The following CUX1 variants were observed in gnomAD, a reference collection of about 807,000 sequenced individuals.
The protein encoded by CUX1 is protein CASP.
In CUX1, 31 loss-of-function variants were observed where a neutral mutation model predicts 158.8. The observed-to-expected ratio is 0.20, with a 90% CI of 0.15 to 0.26. The LOEUF (loss-of-function observed/expected upper bound fraction) is 0.26, where lower values mean the gene tolerates loss of function less well. CUX1 is among the 10% of genes least tolerant of loss of function. The probability of loss-of-function intolerance (pLI) is 1.00; values close to 1 mark genes in which losing one functional copy is unlikely to be tolerated. For synonymous variants in CUX1, 879 were observed against 862.1 expected (o/e 1.02, Z -0.34); for missense variants, 1,589 against 2,014.6 (o/e 0.79, Z 4.04).
At chr7:102,070,530 G>C in intron 4 of CUX1, 113 bp downstream of exon 4, 1 of 731,726 alleles carries the variant, frequency 1.4e-6, no homozygotes, top group Non-Finnish European at 2.3e-6. Flanking sequence ...ACCATCAGTG[G>C]CAACTTCCCC....
intron 2 of CUX1, among the ~76,000 whole-genome samples, chr7:101,937,414 A>G (rs1807073496): frequency 6.6e-6 from 1 of 152,210 alleles, no homozygotes; most frequent in Non-Finnish European, 1.5e-5. Flanking sequence ...GGCATAGGCC[A>G]GGGTTATTCA....
chr7:102,074,828 G>A (rs978058885), intron 4 of CUX1, among the ~76,000 whole-genome samples: 10 of 152,316 alleles, frequency 6.6e-5, no homozygotes, highest in Admixed American at 1.3e-4. Flanking sequence ...TTGGCGGGTA[G>A]CATCACCTCC....
chr7:102,140,479 C>G (rs437344), intron 8 of CUX1, among the ~76,000 whole-genome samples: 3 of 150,734 alleles, frequency 2.0e-5, no homozygotes, highest in African/African-American at 7.3e-5. Flanking sequence ...CTCCTGAACT[C>G]AGGCAATCCA....
exon 17 of CUX1, chr7:102,275,334 G>A (rs150151598): frequency 6.1e-5 from 99 of 1,612,648 alleles, no homozygotes; most frequent in Non-Finnish European, 7.3e-5. Flanking sequence ...GAGCGCTTCC[G>A]TGCCCGGAAC....
In CUX1 at chr7:102,070,472, G is replaced by C. The variant is rs146595433; in HGVS notation, c.268+55G>C. Reference sequence around the variant, plus strand: ...GGGGGGCGTTGTGTCTGGTGAGTCGGTGGGTTTTTGGCTCATTCTTCTTGG... The same window carrying C: ...GGGGGGCGTTGTGTCTGGTGAGTCGCTGGGTTTTTGGCTCATTCTTCTTGG... On this transcript the variant is annotated intron_variant, in intron 4 of 23. Transcript: ENST00000292535. 26 of 1,413,122 alleles carry C rather than the reference G, an allele frequency of 1.8e-5. No individual in the cohort carries two copies. The East Asian group carries it at 6.1e-4, about 33-fold the overall frequency. 87.5% of individuals were successfully genotyped at this position (1,413,122 alleles called of 1,614,324 possible).
At chr7:101,967,082 C>T (rs1291049006) in intron 2 of CUX1, among the ~76,000 whole-genome samples, 1 of 151,968 alleles carries the variant, frequency 6.6e-6, no homozygotes, top group African/African-American at 2.4e-5. Flanking sequence ...GGCGCAATCT[C>T]GGCTTACTGC....
chr7:101,867,204 A>G (rs1329636803), intron 1 of CUX1, among the ~76,000 whole-genome samples: 2 of 152,226 alleles, frequency 1.3e-5, no homozygotes, highest in Non-Finnish European at 2.9e-5. Context: ...GAGACAGAGC[A>G]AGACTCTGTC....
intron 1 of CUX1, among the ~76,000 whole-genome samples, chr7:101,837,700 G>A (rs1372599206): frequency 6.6e-6 from 1 of 151,504 alleles, no homozygotes; most frequent in Non-Finnish European, 1.5e-5. Context: ...TCATGGTGAC[G>A]CACACCTGTG....
rs370680920 is a variant in CUX1, at chr7:102,034,800, G to A, written c.189+6655G>A. On this transcript the variant is annotated intron_variant, in intron 3 of 23. Transcript: ENST00000292535. ...AACAAAAAATTAGCTGGGTGTGGTG[G>A]GTGCAGGCCTGTACACCTAGCTATG... Among the ~76,000 whole-genome samples the A allele has an allele frequency of 1.9e-4, 29 of 151,340 alleles. 1 individual carries two copies. The South Asian group carries it at 5.9e-3, about 31-fold the overall frequency.
chr7:102,267,916 C>T (rs900221063), intron 14 of CUX1, among the ~76,000 whole-genome samples: 15 of 146,470 alleles, frequency 1.0e-4, no homozygotes, highest in Admixed American at 7.5e-4. Context: ...GATGCTACCA[C>T]CTCTGCCTCC....
chr7:102,040,190 C>G (rs1821905622), intron 3 of CUX1, among the ~76,000 whole-genome samples: 1 of 152,180 alleles, frequency 6.6e-6, no homozygotes, highest in African/African-American at 2.4e-5. Context: ...GCGCCAGGCA[C>G]TGCGAGGGAG....
intron 2 of CUX1, among the ~76,000 whole-genome samples, chr7:102,018,527 T>C (rs1818945874): frequency 6.6e-6 from 1 of 152,114 alleles, no homozygotes; most frequent in African/African-American, 2.4e-5. Context: ...TGCATGCCCC[T>C]CTCACTGGGG....
chr7:102,060,911 CTT>C (rs1039443388), intron 3 of CUX1, among the ~76,000 whole-genome samples: 4 of 79,456 alleles, frequency 5.0e-5, no homozygotes, highest in African/African-American at 1.5e-4. Flanking sequence ...CGCGCCTGGC[CTT>C]TTTTTTTTTT....
At chr7:101,951,716 C>T (rs1241481052) in intron 2 of CUX1, among the ~76,000 whole-genome samples, 14 of 152,224 alleles carry the variant, frequency 9.2e-5, no homozygotes, top group African/African-American at 3.1e-4. Flanking sequence ...ACCGTGTTAG[C>T]CAGGATGGTC....
intron 1 of CUX1, among the ~76,000 whole-genome samples, chr7:101,837,655 C>T (rs759848453): frequency 6.6e-6 from 1 of 151,148 alleles, no homozygotes; most frequent in African/African-American, 2.4e-5. Context: ...ATAGTGAGAC[C>T]CTCTCTACAA....
At chr7:101,817,454 T>C (rs1584623716), upstream of CUX1, 1 of 1,052,192 alleles carries the variant, frequency 9.5e-7, no homozygotes, top group Admixed American at 5.5e-5. This position sits in a 1 kb window ranked among gnomAD's most constrained non-coding sequence, Gnocchi z 4.1. Flanking sequence ...GCGCGCGGAG[T>C]CCCCGGCGCC....
In CUX1 at chr7:102,258,116, A is replaced by G; in HGVS notation, c.*9074A>G. On this transcript the variant is annotated 3_prime_UTR_variant, in exon 24 of 24. Transcript: ENST00000292535. ...ACGATGTTTGTTCTCAGCACTGTACAACGGTCCCTATATAATACGGAGAAG... is the reference window on the plus strand; with the variant it reads ...ACGATGTTTGTTCTCAGCACTGTACGACGGTCCCTATATAATACGGAGAAG... The G allele has an allele frequency of 1.0e-6, 1 of 985,316 alleles. No homozygotes were observed. The highest frequency in any genetic ancestry group is 1.2e-6 in the Non-Finnish European group (1 of 829,874). 61.0% of individuals were successfully genotyped at this position (985,316 alleles called of 1,614,324 possible).
intron 20 of CUX1, among the ~76,000 whole-genome samples, chr7:102,226,047 G>A (rs1798316724): frequency 6.6e-6 from 1 of 152,248 alleles, no homozygotes. Context: ...ATTAGGAAAT[G>A]GTCTAAGTCT....
At chr7:102,240,027 C>T (rs1458999510) in intron 23 of CUX1, among the ~76,000 whole-genome samples, 1 of 152,074 alleles carries the variant, frequency 6.6e-6, no homozygotes, top group East Asian at 1.9e-4. Context: ...GGATTACAGG[C>T]GTGAGCCACC....
Sources: allele counts gnomAD v4.1 joint callset (sites outside exome capture counted in the v4.1 genomes callset), GRCh38; gene constraint gnomAD v4.1.1; non-coding constraint Gnocchi (gnomAD v3.1); transcripts MANE v1.5; gene names NCBI Gene and HGNC (gene_info 2026-07-23, HGNC 2026-07-21).